Variants in ARMC9 observed in about 807,000 individuals in gnomAD.
ARMC9 encodes lisH domain-containing protein ARMC9.
ARMC9 carries 94 observed loss-of-function variants against 107.0 expected under a neutral mutation model. The ratio of observed to expected loss-of-function variants is 0.88; its 90% CI spans 0.74 to 1.04. The LOEUF (loss-of-function observed/expected upper bound fraction) is 1.04, where lower values mean the gene tolerates loss of function less well. ARMC9 is among the 50% of genes least tolerant of loss of function. The pLI is 0.00. For missense variants in ARMC9, 942 were observed against 1,030.1 expected, an observed-to-expected ratio of 0.91 and a Z score of 1.17; for synonymous variants, 380 against 396.9, an observed-to-expected ratio of 0.96 and a Z score of 0.51.
At chr2:231,235,441 T>C in intron 8 of ARMC9, 60 bp downstream of exon 8, 13 of 1,566,268 alleles carry the variant, frequency 8.3e-6, no homozygotes. Flanking sequence ...CTTATAGGCA[T>C]GGACTATGTT....
chr2:231,224,176 G>A (rs984442507), intron 6 of ARMC9, among the ~76,000 whole-genome samples: 1 of 152,202 alleles, frequency 6.6e-6, no homozygotes, highest in Admixed American at 6.5e-5. Context: ...ACTGGGCCCC[G>A]TGGCTCACGC....
chr2:231,307,213 G>A (rs1424327650), intron 19 of ARMC9, among the ~76,000 whole-genome samples: 1 of 152,240 alleles, frequency 6.6e-6, no homozygotes, highest in African/African-American at 2.4e-5. Context: ...CTGGGGTGGA[G>A]CAAGAGGCTG....
At chr2:231,262,940 CCG>C (rs2038512110) in intron 12 of ARMC9, among the ~76,000 whole-genome samples, 1 of 152,118 alleles carries the variant, frequency 6.6e-6, no homozygotes, top group Non-Finnish European at 1.5e-5. Flanking sequence ...GGGCAAGGAG[CCG>C]CGCCTGCCTC....
At chr2:231,246,540 C>CT (rs1048664251) in intron 9 of ARMC9, among the ~76,000 whole-genome samples, 9 of 152,130 alleles carry the variant, frequency 5.9e-5, no homozygotes, top group Non-Finnish European at 1.0e-4. Flanking sequence ...TGCTTTTGTT[C>CT]TTTTTTATGG....
intron 22 of ARMC9, among the ~76,000 whole-genome samples, chr2:231,356,584 A>G (rs896785003): frequency 6.6e-6 from 1 of 152,160 alleles, no homozygotes; most frequent in Non-Finnish European, 1.5e-5. Context: ...TGTCTGAGAA[A>G]CATCTGAGAA....
At chr2:231,347,710 A>G (rs1360292501) in intron 21 of ARMC9, among the ~76,000 whole-genome samples, 1 of 152,178 alleles carries the variant, frequency 6.6e-6, no homozygotes, top group East Asian at 1.9e-4. Context: ...CTTTAATTCT[A>G]TATCCCCTCC....
At chr2:231,365,610 G>C (rs1318112441) in intron 23 of ARMC9, among the ~76,000 whole-genome samples, 1 of 152,160 alleles carries the variant, frequency 6.6e-6, no homozygotes, top group African/African-American at 2.4e-5. Flanking sequence ...AAGGGGCAGA[G>C]GTGGGGAAAC....
At chr2:231,338,602 CAA>C (rs1220883111) in intron 20 of ARMC9, among the ~76,000 whole-genome samples, 1 of 143,252 alleles carries the variant, frequency 7.0e-6, no homozygotes, top group Admixed American at 7.2e-5. Context: ...TGCGGTAGAG[CAA>C]ACATGGCTCA....
chr2:231,349,756 A>G (rs1444443314), intron 21 of ARMC9, among the ~76,000 whole-genome samples: 2 of 151,644 alleles, frequency 1.3e-5, no homozygotes, highest in Non-Finnish European at 2.9e-5. Flanking sequence ...AATCCAGCCT[A>G]GGTAACAGAG....
chr2:231,289,601 T>G (rs1383525205), intron 17 of ARMC9, among the ~76,000 whole-genome samples: 2 of 152,182 alleles, frequency 1.3e-5, no homozygotes, highest in South Asian at 4.1e-4. Flanking sequence ...GAGATAGATA[T>G]AAAATTCAGC....
rs150092118 is a variant in ARMC9, at chr2:231,278,397, C to G, written c.1490C>G (p.Ala497Gly). 6.8e-6 allele frequency: 11 copies of G among 1,614,096 alleles called. No individual in the cohort carries two copies. Among genetic ancestry groups the G allele is most frequent in the Non-Finnish European group, 9.3e-6 (11 of 1,179,990 alleles). The change falls in exon 16 of 25, where the codon GCC becomes GGC. Residue 497 changes from alanine (A) to glycine (G), a missense_variant. Ala to Gly is a moderately conservative substitution (Grantham distance 60, BLOSUM62 0). Transcript: ENST00000611582. Reference sequence around the variant, plus strand: ...TTTCCCATAGGGAAGAACATGTGTGCCAAGGTGGCAGGCCTCGTGCTCAAA... The same window carrying G: ...TTTCCCATAGGGAAGAACATGTGTGGCAAGGTGGCAGGCCTCGTGCTCAAA... ...CLRSTGKNMC[A>G]KVAGLVLKVL...
At chr2:231,262,237 A>G (rs1040805081) in intron 11 of ARMC9, 69 bp from the exon 12 acceptor site, 8 of 1,430,742 alleles carry the variant, frequency 5.6e-6, no homozygotes, top group Admixed American at 1.7e-5. Context: ...TCTAAAACAC[A>G]CCTGCTATGA....
At chr2:231,302,512 G>A (rs2041816990) in intron 19 of ARMC9, among the ~76,000 whole-genome samples, 1 of 130,286 alleles carries the variant, frequency 7.7e-6, no homozygotes, top group South Asian at 2.4e-4. Flanking sequence ...GATCTGGGCT[G>A]TATCTGTTGT....
At chr2:231,203,309 C>T (rs981544852) in intron 1 of ARMC9, among the ~76,000 whole-genome samples, 4 of 152,192 alleles carry the variant, frequency 2.6e-5, no homozygotes, top group Non-Finnish European at 5.9e-5. Context: ...ACATACTCTT[C>T]GGCCAGCTGC....
intron 4 of ARMC9, 72 bp from the exon 5 acceptor site, chr2:231,216,562 CAGAG>C: frequency 6.7e-7 from 1 of 1,502,036 alleles, no homozygotes; most frequent in East Asian, 2.3e-5. Flanking sequence ...GAAGGAGCCT[CAGAG>C]AGAGGATGGG....
Position 231,206,276 on chromosome 2 carries a change from G to A in ARMC9, c.38G>A (p.Gly13Glu). The change falls in exon 2 of 25, where the codon GGA (glycine) becomes GAA (glutamate). Residue 13 changes from glycine (G) to glutamate (E), a missense_variant. By Grantham distance (98) the Gly-to-Glu change is moderately conservative (BLOSUM62 -2). Coordinates refer to ENST00000611582, the MANE Select transcript of ARMC9 (RefSeq NM_001352754.2). ...CTGGCTCATGAATCTGAATTACTTG[G>A]ACTAGTGAAAGAGGTAGGTATATTA... ...DILAHESELL[G>E]LVKEYLDFAE... The A allele has an allele frequency of 6.2e-7, 1 of 1,613,450 alleles. No individual in the cohort carries two copies. The highest frequency in any genetic ancestry group is 1.1e-5 in the South Asian group (1 of 91,050).
chr2:231,214,716 C>T, intron 3 of ARMC9, 115 bp from the exon 4 acceptor site: 1 of 1,109,466 alleles, frequency 9.0e-7, no homozygotes, highest in East Asian at 2.4e-5. Flanking sequence ...CTCTATTTTT[C>T]TATCCTTTAC....
chr2:231,365,964 G>A (rs1029817825), intron 23 of ARMC9, among the ~76,000 whole-genome samples: 4 of 152,256 alleles, frequency 2.6e-5, no homozygotes, highest in African/African-American at 4.8e-5. Context: ...AGGGAGCCCC[G>A]GTCTGAGGAG....
intron 5 of ARMC9, among the ~76,000 whole-genome samples, chr2:231,220,557 A>G (rs2034012499): frequency 6.9e-6 from 1 of 144,410 alleles, no homozygotes. Flanking sequence ...AGATCACACC[A>G]CTGCGCTCCA....
Sources: gnomAD v4.1 joint callset for allele counts (sites outside exome capture counted in the v4.1 genomes callset) on GRCh38, gnomAD v4.1.1 for gene constraint, MANE v1.5 for transcripts, NCBI Gene and HGNC (gene_info 2026-07-23, HGNC 2026-07-21) for gene names.